The following SUPT6H variants were observed in gnomAD, a reference collection of about 807,000 sequenced individuals.
SUPT6H encodes the protein SPT6 homolog, histone chaperone and transcription elongation factor, also known as transcription elongation factor SPT6.
In SUPT6H, 11 loss-of-function variants were observed where a neutral mutation model predicts 222.3. That is an observed-to-expected ratio of 0.05 (90% confidence interval 0.03 to 0.08). SUPT6H has a LOEUF of 0.08. SUPT6H is among the 10% of genes least tolerant of loss of function. SUPT6H has a pLI of 1.00. For synonymous variants in SUPT6H, 762 were observed against 801.2 expected (o/e 0.95, Z 0.83); for missense variants, 1,422 against 2,216.0 (o/e 0.64, Z 7.19).
intron 13 of SUPT6H, 115 bp from the exon 14 acceptor site, chr17:28,682,612 C>A: frequency 7.0e-7 from 1 of 1,433,418 alleles, no homozygotes; most frequent in Non-Finnish European, 9.5e-7. Flanking sequence ...CAGAGCGAGA[C>A]CGTCTCAGGA....
At chr17:28,673,320 CTG>C (rs2030544524) in intron 1 of SUPT6H, 49 bp from the exon 2 acceptor site, 1 of 1,140,108 alleles carries the variant, frequency 8.8e-7, no homozygotes, top group African/African-American at 1.5e-5. Context: ...TAAGAGCCCT[CTG>C]TACAATCATG....
In SUPT6H at chr17:28,683,104, G is replaced by A. The variant is rs572749259; in HGVS notation, c.1878+12G>A. The stretch of plus-strand genomic sequence containing the variant: ...AGAAAGGTAGAAAGGTGAGCTGGGT[G>A]AAGGGCTTTGATCCAAGATGTGCAC... On this transcript the variant is annotated intron_variant, in intron 15 of 36. Transcript: ENST00000314616. The A allele has an allele frequency of 5.6e-5, 89 of 1,586,052 alleles. 2 individuals are homozygous for A. In the South Asian group the frequency reaches 9.8e-4, roughly 17 times the overall value.
chr17:28,684,076 A>G (rs2031260097), intron 17 of SUPT6H, among the ~76,000 whole-genome samples: 1 of 152,074 alleles, frequency 6.6e-6, no homozygotes, highest in Admixed American at 6.6e-5. Context: ...GTTAGCCAGG[A>G]TGGTCTCAAT....
In SUPT6H at chr17:28,674,298, A is replaced by T; in HGVS notation, c.125A>T (p.Glu42Val). ...EEEDDDEEEE[E>V]ENLDDQDEQG... ...TGTCTTCCAGATGAGGAGGAGGAGG[A>T]GGAGAACCTAGATGATCAGGATGAG... Residue 42 changes from glutamate to valine, a missense_variant, in exon 3 of 37, where the codon GAG becomes GTG. Physicochemically the swap from Glu to Val is moderately radical, Grantham distance 121 (BLOSUM62 -2). Around this residue, in one of 13 missense-constraint regions of SUPT6H, gnomAD observed 89 missense variants for 118.9 expected, o/e 0.75. Coordinates refer to ENST00000314616, the MANE Select transcript of SUPT6H (RefSeq NM_003170.5). The T allele has an allele frequency of 6.2e-7, 1 of 1,614,162 alleles. No individual in the cohort carries two copies. The highest frequency in any genetic ancestry group is 8.5e-7 in the Non-Finnish European group (1 of 1,180,036).
In SUPT6H at chr17:28,697,931, C is replaced by T. The variant is rs774774944; in HGVS notation, c.4349C>T (p.Thr1450Ile). 2 of 1,614,150 alleles carry T rather than the reference C, an allele frequency of 1.2e-6. No individual in the cohort carries two copies. The highest frequency in any genetic ancestry group is 8.5e-7 in the Non-Finnish European group (1 of 1,180,036). ...AAATTAGAGGAGCTGCTCATCAAAA[C>T]TAAGAAGGAGAAGCCCACCTTCATC... Reference protein sequence around the residue: ...RKKLEELLIKTKKEKPTFIPY... With the variant: ...RKKLEELLIKIKKEKPTFIPY... Residue 1450 changes from threonine to isoleucine, a missense_variant, in exon 32 of 37, where the codon ACT becomes ATT. Transcript: ENST00000314616.
chr17:28,688,453 A>C lies in SUPT6H; in HGVS notation c.3134+235A>C. 1 of 344,848 alleles carries C rather than the reference A, an allele frequency of 2.9e-6. No individual in the cohort carries two copies. The allele number at this position is 344,848 out of a possible 1,614,324, so 21.4% of individuals were successfully genotyped here. Reference sequence around the variant, plus strand: ...ATAAAAAGTACCAGCTTAGCTTATAAATTAAGCATGGAAAACACAAGATTT... The same window carrying C: ...ATAAAAAGTACCAGCTTAGCTTATACATTAAGCATGGAAAACACAAGATTT... On this transcript the variant is annotated intron_variant, in intron 24 of 36. Transcript: ENST00000314616. The surrounding 1 kb of genome is among the most constrained non-coding windows in gnomAD (Gnocchi z 4.3).
Position 28,702,177 on chromosome 17 carries a change from C to G in SUPT6H, c.*552C>G, listed in dbSNP as rs1410276507. Reference sequence around the variant, plus strand: ...GCCCCTGCCTGGCTGCCCTTTCCCCCCTGCTGCTGCCACCGCTTCCTGCCT... The same window carrying G: ...GCCCCTGCCTGGCTGCCCTTTCCCCGCTGCTGCTGCCACCGCTTCCTGCCT... On this transcript the variant is annotated 3_prime_UTR_variant, in exon 37 of 37. Transcript: ENST00000314616. 2 of 153,752 alleles carry G rather than the reference C, an allele frequency of 1.3e-5. No homozygotes were observed. Among genetic ancestry groups the G allele is most frequent in the African/African-American group, 4.8e-5 (2 of 41,464 alleles). 9.5% of individuals were successfully genotyped at this position (153,752 alleles called of 1,614,324 possible). A position where few individuals can be genotyped will look rare whatever the true frequency, so the allele number is the denominator to read the frequency against.
Position 28,690,928 on chromosome 17 carries a change from C to T in SUPT6H, c.3498C>T (p.Leu1166=). Residue 1166 remains leucine (L), a synonymous_variant, in exon 27 of 37, where the codon CTC becomes CTT. Coordinates refer to ENST00000314616, the MANE Select transcript of SUPT6H (RefSeq NM_003170.5). ...ETPETFYIGK[L]IICNVTGIAH... is the part of the protein sequence containing the mutation. ...CTCTTTTCCTTCTTGCAGGAAAGCT[C>T]ATCATCTGCAATGTCACTGGCATTG... 1 of 1,613,276 alleles carries T rather than the reference C, an allele frequency of 6.2e-7. No individual in the cohort carries two copies. The highest frequency in any genetic ancestry group is 8.5e-7 in the Non-Finnish European group (1 of 1,179,904).
intron 2 of SUPT6H, 49 bp from the exon 3 acceptor site, chr17:28,674,234 C>T (rs761815942): frequency 6.2e-7 from 1 of 1,609,928 alleles, no homozygotes; most frequent in Non-Finnish European, 8.5e-7. Context: ...GACCCTGAAC[C>T]TCTAGCCTGT....
rs1473588390 is a variant in SUPT6H, at chr17:28,662,210, C to CGCA, written c.-158_-156dup. 8.5e-6 allele frequency: 2 copies of CGCA among 234,608 alleles called. No homozygotes were observed. The highest frequency in any genetic ancestry group is 7.3e-5 in the South Asian group (1 of 13,748). The allele number at this position is 234,608 out of a possible 1,614,324, so 14.5% of individuals were successfully genotyped here. A position where few individuals can be genotyped will look rare whatever the true frequency, so the allele number is the denominator to read the frequency against. On this transcript the variant is annotated 5_prime_UTR_variant, in exon 1 of 37. Transcript: ENST00000314616. ...AGCCGGAAATGACGTAGCACGTTGA[C>CGCA]GCAGCAGCGGCGGCGGTGGCGGCGG... is the stretch of plus-strand genomic sequence containing the variant.
rs762115076 is a variant in SUPT6H at position 28,700,997 on chromosome 17, C to T, written c.4863C>T (p.Tyr1621=). ...PVATPLMTPS[Y]SYTTPSQPIT... Reference sequence around the variant, plus strand: ...CCACACCACTAATGACCCCTAGCTACTCCTACACGACCCCAAGCCAGCCCA... The same window carrying T: ...CCACACCACTAATGACCCCTAGCTATTCCTACACGACCCCAAGCCAGCCCA... Residue 1621 remains tyrosine (Y), a synonymous_variant, in exon 36 of 37, where the codon TAC becomes TAT. Transcript: ENST00000314616. The T allele has an allele frequency of 1.2e-6, 2 of 1,614,130 alleles. No individual in the cohort carries two copies. The highest frequency in any genetic ancestry group is 1.7e-6 in the Non-Finnish European group (2 of 1,179,988).
chr17:28,667,179 C>T (rs1315869209), intron 1 of SUPT6H, among the ~76,000 whole-genome samples: 3 of 144,004 alleles, frequency 2.1e-5, no homozygotes, highest in African/African-American at 7.6e-5. Flanking sequence ...TCCTGGCTAA[C>T]ACGGTGAAAC....
Position 28,697,887 on chromosome 17 carries a change from C to A in SUPT6H, c.4324-19C>A, listed in dbSNP as rs777613697. The stretch of plus-strand genomic sequence containing the variant: ...AAGCATGCTGCTATCCCAACCTCTC[C>A]CCCTCATTCTACCCCCAGAAATTAG... On this transcript the variant is annotated intron_variant, in intron 31 of 36. Transcript: ENST00000314616. The A allele has an allele frequency of 6.2e-7, 1 of 1,612,980 alleles. No homozygotes were observed.
intron 6 of SUPT6H, 91 bp downstream of exon 6, chr17:28,675,576 C>T: frequency 1.5e-6 from 2 of 1,365,136 alleles, no homozygotes; most frequent in South Asian, 1.2e-5. Context: ...AAAAATGGGG[C>T]ATTCCCAGCT....
rs1029375178 is a variant in SUPT6H at position 28,687,331 on chromosome 17, A to G, written c.2866A>G (p.Asn956Asp). The G allele has an allele frequency of 1.2e-6, 2 of 1,614,174 alleles. No homozygotes were observed. The highest frequency in any genetic ancestry group is 3.3e-5 in the Admixed American group (2 of 60,012). ...QEHVVKEELL[N>D]ALYCEFINRV... ...GCATGTGGTGAAAGAGGAGCTGCTC[A>G]ACGCCTTGTACTGTGAATTTATCAA... Residue 956 changes from asparagine to aspartate, a missense_variant, in exon 23 of 37, where the codon AAC (asparagine) becomes GAC (aspartate). Asn to Asp is a conservative substitution (Grantham distance 23). This residue lies in a region of SUPT6H where 294 missense variants were observed against 382.1 expected (regional missense o/e 0.77). Transcript: ENST00000314616.
chr17:28,667,409 A>G lies in SUPT6H; in HGVS notation c.-32+5067A>G, dbSNP rs1367543235. Reference sequence around the variant, plus strand: ...AAAAAAAAAAAGTGTGTGTGTGTATATATATATATATATATATATATATAT... The same window carrying G: ...AAAAAAAAAAAGTGTGTGTGTGTATGTATATATATATATATATATATATAT... On this transcript the variant is annotated intron_variant, in intron 1 of 36. Transcript: ENST00000314616. Among the ~76,000 whole-genome samples the G allele has an allele frequency of 6.1e-3, 611 of 100,582 alleles. 13 individuals are homozygous for G. Among genetic ancestry groups the G allele is most frequent in the African/African-American group, 0.031 (499 of 16,034 alleles). 66.0% of individuals were successfully genotyped at this position (100,582 alleles called of 152,430 possible).
At chr17:28,678,750 G>A in intron 10 of SUPT6H, 71 bp from the exon 11 acceptor site, 1 of 1,612,532 alleles carries the variant, frequency 6.2e-7, no homozygotes, top group Non-Finnish European at 8.5e-7. Flanking sequence ...TAGGTTTCTG[G>A]TAAGGATCAG....
intron 20 of SUPT6H, 37 bp from the exon 21 acceptor site, chr17:28,686,617 A>G: frequency 6.4e-7 from 1 of 1,555,758 alleles, no homozygotes; most frequent in Non-Finnish European, 8.7e-7. Flanking sequence ...TCCATCCCTA[A>G]GAAAACATAT....
chr17:28,696,627 G>A (rs1038206672), intron 29 of SUPT6H, among the ~76,000 whole-genome samples: 10 of 150,042 alleles, frequency 6.7e-5, no homozygotes, highest in Admixed American at 4.7e-4. Flanking sequence ...GATGTGCACC[G>A]GTGTATTCCC....
Sources: allele counts gnomAD v4.1 joint callset (sites outside exome capture counted in the v4.1 genomes callset), GRCh38; gene constraint gnomAD v4.1.1; regional missense constraint gnomAD v4.1.1; non-coding constraint Gnocchi (gnomAD v3.1); transcripts MANE v1.5; gene names NCBI Gene and HGNC (gene_info 2026-07-23, HGNC 2026-07-21).